KCNH2: variants seen among roughly 807,000 people sequenced by gnomAD.
The protein encoded by KCNH2 is potassium voltage-gated channel subfamily H member 2.
In KCNH2, 35 loss-of-function variants were observed where a neutral mutation model predicts 95.9. The ratio of observed to expected loss-of-function variants is 0.37; its 90% CI spans 0.28 to 0.48. The LOEUF (loss-of-function observed/expected upper bound fraction) is 0.48, where lower values mean the gene tolerates loss of function less well. KCNH2 is among the 20% of genes least tolerant of loss of function. KCNH2 has a pLI of 0.99. For synonymous variants in KCNH2, 786 were observed against 754.7 expected, an observed-to-expected ratio of 1.04 and a Z score of -0.68; for missense variants, 1,274 against 1,702.9, an observed-to-expected ratio of 0.75 and a Z score of 4.43.
At position 150,948,527 on chromosome 7, in the gene KCNH2, C is replaced by A; in HGVS notation, c.2609G>T (p.Gly870Val). 1 of 1,613,612 alleles carries A rather than the reference C, an allele frequency of 6.2e-7. No homozygotes were observed. The highest frequency in any genetic ancestry group is 2.2e-5 in the East Asian group (1 of 44,866). The change falls in exon 11 of 15, where the codon GGC becomes GTC. Residue 870 changes from glycine to valine, a missense_variant. Physicochemically the swap from Gly to Val is moderately radical, Grantham distance 109. Transcript: ENST00000262186. ...FNLRDTNMIPGSPGSTELEGG... is the reference protein window; with the variant it reads ...FNLRDTNMIPVSPGSTELEGG... ...CTCTAACTCCGTACTGCCGGGGGAG[C>A]CCGGGATCATGTTGGTCTGGAACCA...
At position 150,957,485 on chromosome 7, in the gene KCNH2, G is replaced by A. The variant is rs199472885; in HGVS notation, c.934C>T (p.Arg312Cys). 4.5e-5 allele frequency: 73 copies of A among 1,613,538 alleles called. No homozygotes were observed. The Admixed American group carries it at 7.2e-4, about 16-fold the overall frequency. The change falls in exon 5 of 15, where the codon CGC (arginine) becomes TGC (cysteine). Residue 312 changes from arginine (R) to cysteine (C), a missense_variant. Physicochemically the swap from Arg to Cys is radical, Grantham distance 180. Coordinates refer to ENST00000262186, the MANE Select transcript of KCNH2 (RefSeq NM_000238.4). ...GAGGTGGAGTTGAGCAAGCCGCTGCGCAGTGGGTGCATGGCCCCTAGGTGG... is the reference window on the plus strand; with the variant it reads ...GAGGTGGAGTTGAGCAAGCCGCTGCACAGTGGGTGCATGGCCCCTAGGTGG... ...HASTGAMHPLRSGLLNSTSDS... is the reference protein window; with the variant it reads ...HASTGAMHPLCSGLLNSTSDS...
intron 2 of KCNH2, among the ~76,000 whole-genome samples, chr7:150,969,891 A>G (rs990098668): frequency 4.6e-5 from 7 of 152,076 alleles, no homozygotes; most frequent in Non-Finnish European, 1.0e-4. Context: ...CAGCATAGAG[A>G]TCTTTATGGG....
intron 9 of KCNH2, chr7:150,949,455 A>G (rs1563151521): frequency 5.2e-6 from 4 of 766,446 alleles, no homozygotes; most frequent in Non-Finnish European, 6.6e-6. Context: ...ATACAGTAGT[A>G]TAGCTTAGCA....
Position 150,963,404 on chromosome 7 carries a change from C to T in KCNH2, c.308-3668G>A, listed in dbSNP as rs186982842. 2.6e-5 allele frequency among the ~76,000 whole-genome samples: 4 copies of T among 152,272 alleles called. No homozygotes were observed. The East Asian group carries it at 7.7e-4, about 29-fold the overall frequency. ...GGTGATCCTGCCCACCCCCTAGGGC[C>T]GTAGGGGTGAAATGGCCTAAGATAT... On this transcript the variant is annotated intron_variant, in intron 2 of 14. Transcript: ENST00000262186.
rs747237810 is a variant in KCNH2 at position 150,947,609 on chromosome 7, A to G, written c.2962T>C (p.Ser988Pro). 1 of 1,612,644 alleles carries G rather than the reference A, an allele frequency of 6.2e-7. No homozygotes were observed. Among genetic ancestry groups the G allele is most frequent in the South Asian group, 1.1e-5 (1 of 90,810 alleles). ...GCCCGCCCGTCGCCCGGGATACCTG[A>G]CAGGGGGTTGCAAGTGTCGCTGCTC... ...EKSSDTCNPL[S>P]GAFSGVSNIF... The change falls in exon 12 of 15, where the codon TCA (serine) becomes CCA (proline). Residue 988 changes from serine (S) to proline (P), a missense_variant. Around this residue, in one of 7 missense-constraint regions of KCNH2, gnomAD observed 457 missense variants for 416.1 expected, o/e 1.10. Transcript: ENST00000262186.
rs1584844940 is a variant in KCNH2 at position 150,947,757 on chromosome 7, A to G, written c.2814T>C (p.Pro938=). 6.5e-7 allele frequency: 1 copy of G among 1,543,482 alleles called. No individual in the cohort carries two copies. The highest frequency in any genetic ancestry group is 2.4e-5 in the East Asian group (1 of 41,178). Residue 938 remains proline (P), a synonymous_variant, in exon 12 of 15, where the codon CCT becomes CCC. Coordinates refer to ENST00000262186, the MANE Select transcript of KCNH2 (RefSeq NM_000238.4). ...GESPSSGPSS[P]ESSEDEGPGR... ...CTGGGCCCTCATCCTCACTGCTCTC[A>G]GGGCTGGAGGGGCCACTGGACGGGC...
In KCNH2 at chr7:150,948,550, C is replaced by T. The variant is rs1217547849; in HGVS notation, c.2593-7G>A. 9 of 1,612,630 alleles carry T rather than the reference C, an allele frequency of 5.6e-6. No individual in the cohort carries two copies. The highest frequency in any genetic ancestry group is 3.3e-5 in the Admixed American group (2 of 60,028). ...AGCCCGGGATCATGTTGGTCTGGAA[C>T]CAAAATCAGTATCAGGGCCCTTTCA... On this transcript the variant is annotated splice_polypyrimidine_tract_variant and splice_region_variant and intron_variant, in intron 10 of 14. Transcript: ENST00000262186.
Position 150,946,562 on chromosome 7 carries a change from C to T in KCNH2, c.3330+315G>A, listed in dbSNP as rs1800898874. Among the ~76,000 whole-genome samples, 1 of 152,220 alleles carries T rather than the reference C, an allele frequency of 6.6e-6. No homozygotes were observed. Among genetic ancestry groups the T allele is most frequent in the Admixed American group, 6.5e-5 (1 of 15,288 alleles). On this transcript the variant is annotated intron_variant, in intron 14 of 14. Coordinates refer to ENST00000262186, the MANE Select transcript of KCNH2 (RefSeq NM_000238.4). The surrounding 1 kb of genome is among the most constrained non-coding windows in gnomAD (Gnocchi z 6.5). ...AGACAGGCACCACCGTTGGAGCTGG[C>T]TCTTCAGGCGATGCTCCGGGGCCTG...
chr7:150,977,732 C>T, intron 1 of KCNH2, 106 bp downstream of exon 1: 1 of 953,274 alleles, frequency 1.0e-6, no homozygotes, highest in Non-Finnish European at 1.6e-6. Flanking sequence ...CCCATTGACT[C>T]GCACTTGCCG....
At chr7:150,973,301 G>T (rs896153696) in intron 2 of KCNH2, among the ~76,000 whole-genome samples, 2 of 152,164 alleles carry the variant, frequency 1.3e-5, no homozygotes, top group African/African-American at 2.4e-5. Flanking sequence ...AGAACAGAGC[G>T]CACAGGGCTC....
rs753938571 is a variant in KCNH2, at chr7:150,946,973, G to A, written c.3234C>T (p.Tyr1078=). The A allele has an allele frequency of 1.9e-6, 3 of 1,610,078 alleles. No individual in the cohort carries two copies. Among genetic ancestry groups the A allele is most frequent in the Non-Finnish European group, 1.7e-6 (2 of 1,177,190 alleles). ...CAGGCCCCGGGGTGGTCACAGCACT[G>A]TAGGCGGGCGGGACCAGCGTCATCT... is the stretch of plus-strand genomic sequence containing the variant. ...QRQMTLVPPA[Y]SAVTTPGPGP... Residue 1078 remains tyrosine, a synonymous_variant, in exon 14 of 15, where the codon TAC becomes TAT. Transcript: ENST00000262186. This position sits in a 1 kb window ranked among gnomAD's most constrained non-coding sequence, Gnocchi z 6.5.
intron 2 of KCNH2, among the ~76,000 whole-genome samples, chr7:150,972,392 G>A (rs1461650683): frequency 2.6e-5 from 4 of 152,208 alleles, no homozygotes; most frequent in African/African-American, 4.8e-5. Flanking sequence ...ACACAGGCAC[G>A]CACACACGCA....
In KCNH2 at chr7:150,958,412, G is replaced by A. The variant is rs794728356; in HGVS notation, c.563C>T (p.Ala188Val). The A allele has an allele frequency of 1.5e-5, 22 of 1,432,004 alleles. No individual in the cohort carries two copies. Among genetic ancestry groups the A allele is most frequent in the Admixed American group, 2.9e-5 (1 of 34,058 alleles). 88.7% of individuals were successfully genotyped at this position (1,432,004 alleles called of 1,614,324 possible). Residue 188 changes from alanine to valine, a missense_variant, in exon 4 of 15, where the codon GCG becomes GTG. Transcript: ENST00000262186. ...CACCACCACGGCCCCCGGGGCGCCC[G>A]CGCCGCCCGCGCCGCCCGACCGCAC... is the stretch of plus-strand genomic sequence containing the variant. The part of the protein sequence containing the change: ...SSVRSGGAGG[A>V]GAPGAVVVDV...
chr7:150,970,747 C>G (rs1333259267), intron 2 of KCNH2, among the ~76,000 whole-genome samples: 1 of 152,234 alleles, frequency 6.6e-6, no homozygotes, highest in African/African-American at 2.4e-5. Flanking sequence ...TGCACCAGGC[C>G]TTGACCAGAA....
Position 150,948,435 on chromosome 7 carries a change from C to T in KCNH2, c.2692+9G>A, listed in dbSNP as rs2116937092. On this transcript the variant is annotated intron_variant, in intron 11 of 14. Transcript: ENST00000262186. ...CCGCCCTCCCCCTTCCTCCCCTCCC[C>T]CGCCTCACCCTTGTCCGTGCGCCTG... 6.3e-7 allele frequency: 1 copy of T among 1,581,056 alleles called. No individual in the cohort carries two copies.
intron 9 of KCNH2, chr7:150,949,656 G>A (rs1404307945): frequency 8.0e-6 from 9 of 1,128,460 alleles, no homozygotes; most frequent in East Asian, 1.3e-4. Context: ...ACACAGGGCC[G>A]AGGGAAGGAC....
At chr7:150,955,830 C>T (rs1801355210) in intron 5 of KCNH2, 6 of 1,094,350 alleles carry the variant, frequency 5.5e-6, no homozygotes, top group Non-Finnish European at 6.7e-6. Flanking sequence ...CCAGCCGGCC[C>T]CTCCTTCTAC....
intron 2 of KCNH2, among the ~76,000 whole-genome samples, chr7:150,967,156 G>A (rs1801727254): frequency 6.6e-6 from 1 of 152,146 alleles, no homozygotes; most frequent in South Asian, 2.1e-4. Flanking sequence ...GTGCACACCT[G>A]TAATCCCAGC....
At chr7:150,974,562 G>A (rs1584882665) in intron 2 of KCNH2, 149 bp downstream of exon 2, 1 of 668,594 alleles carries the variant, frequency 1.5e-6, no homozygotes, top group Non-Finnish European at 2.5e-6. Flanking sequence ...GCCCCCGCCC[G>A]CGTCACACCC....
Sources: gnomAD v4.1 joint callset for allele counts (sites outside exome capture counted in the v4.1 genomes callset) on GRCh38, gnomAD v4.1.1 for gene constraint, gnomAD v4.1.1 regional missense constraint, Gnocchi (gnomAD v3.1) non-coding constraint, MANE v1.5 for transcripts, NCBI Gene and HGNC (gene_info 2026-07-23, HGNC 2026-07-21) for gene names.